The following DAP variants were observed in gnomAD, a reference collection of about 807,000 sequenced individuals.
DAP encodes death associated protein.
DAP carries 8 observed loss-of-function variants against 13.8 expected under a neutral mutation model. The observed-to-expected ratio is 0.58, with a 90% confidence interval of 0.34 to 1.05. The LOEUF is 1.05. Ranked by LOEUF, DAP falls within the 50% of genes least tolerant of loss-of-function variation. DAP has a pLI of 0.03. For missense variants in DAP, 106 were observed against 133.2 expected, an observed-to-expected ratio of 0.80 and a Z score of 1.01; for synonymous variants, 47 against 47.5, an observed-to-expected ratio of 0.99 and a Z score of 0.04.
At chr5:10,719,258 A>T (rs2126657431) in intron 2 of DAP, among the ~76,000 whole-genome samples, 1 of 152,300 alleles carries the variant, frequency 6.6e-6, no homozygotes, top group East Asian at 1.9e-4. Context: ...TTATCAAGTG[A>T]CCCGAAAGGC....
At chr5:10,695,485 A>G (rs989887942) in intron 2 of DAP, among the ~76,000 whole-genome samples, 4 of 152,254 alleles carry the variant, frequency 2.6e-5, no homozygotes, top group Admixed American at 1.3e-4. Flanking sequence ...AATTTGGCAT[A>G]AGAAATTTAT....
Position 10,701,463 on chromosome 5 carries a change from TA to T in DAP, c.153-17893del, listed in dbSNP as rs747945244. Among the ~76,000 whole-genome samples the T allele has an allele frequency of 3.2e-4, 49 of 152,326 alleles. 1 individual carries two copies. The highest frequency in any genetic ancestry group is 6.8e-3 in the Middle Eastern group (2 of 294). On this transcript the variant is annotated intron_variant, in intron 2 of 3. Transcript: ENST00000230895. ...GGTTCAGTAACGGGGCTGAGAGCCC[TA>T]AAATGGTTTTCAAGGATGTAAGTAC...
chr5:10,748,033 T>C, intron 2 of DAP, 142 bp downstream of exon 2: 2 of 630,564 alleles, frequency 3.2e-6, no homozygotes, highest in Non-Finnish European at 5.6e-6. Flanking sequence ...CCCTCCTCCC[T>C]GATTAGGAAG....
chr5:10,712,586 A>C (rs1738880668), intron 2 of DAP, among the ~76,000 whole-genome samples: 2 of 152,010 alleles, frequency 1.3e-5, no homozygotes, highest in Admixed American at 1.3e-4. Flanking sequence ...GAAAAGGTAG[A>C]CATTGATGTC....
At chr5:10,723,780 A>G (rs1561022951) in intron 2 of DAP, among the ~76,000 whole-genome samples, 1 of 152,292 alleles carries the variant, frequency 6.6e-6, no homozygotes, top group Non-Finnish European at 1.5e-5. Context: ...TTGGCCCTAC[A>G]TGTTATTATA....
intron 2 of DAP, among the ~76,000 whole-genome samples, chr5:10,711,424 C>T (rs1738848834): frequency 6.6e-6 from 1 of 152,260 alleles, no homozygotes; most frequent in African/African-American, 2.4e-5. Flanking sequence ...CGGGGCGTAA[C>T]TGCCCTGGTT....
rs138357738 is a variant in DAP at position 10,751,566 on chromosome 5, T to C, written c.56-3295A>G. Reference sequence around the variant, plus strand: ...ATGCTCATCAGAAATTGATGAAAGATGCTATTACGGGCTGAATAGTGTCCC... The same window carrying C: ...ATGCTCATCAGAAATTGATGAAAGACGCTATTACGGGCTGAATAGTGTCCC... On this transcript the variant is annotated intron_variant, in intron 1 of 3. Coordinates refer to ENST00000230895, the MANE Select transcript of DAP (RefSeq NM_004394.3). Among the ~76,000 whole-genome samples, 751 of 152,338 alleles carry C rather than the reference T, an allele frequency of 4.9e-3. 6 individuals are homozygous for C. The highest frequency in any genetic ancestry group is 0.017 in the African/African-American group (707 of 41,576).
chr5:10,756,820 G>C (rs1164190738), intron 1 of DAP, among the ~76,000 whole-genome samples: 1 of 152,236 alleles, frequency 6.6e-6, no homozygotes, highest in African/African-American at 2.4e-5. Context: ...CCTCTTTTCT[G>C]CTGTGGAATG....
chr5:10,722,472 T>G (rs2126659708), intron 2 of DAP, among the ~76,000 whole-genome samples: 1 of 151,844 alleles, frequency 6.6e-6, no homozygotes, highest in Non-Finnish European at 1.5e-5. Flanking sequence ...AAGTTAATAC[T>G]TAATAAACTC....
intron 2 of DAP, among the ~76,000 whole-genome samples, chr5:10,685,941 A>AC (rs1561005643): frequency 3.3e-5 from 5 of 150,046 alleles, no homozygotes; most frequent in Non-Finnish European, 5.9e-5. Context: ...CACACACACA[A>AC]ACAAACACCT....
intron 2 of DAP, among the ~76,000 whole-genome samples, chr5:10,743,691 G>A (rs1293844351): frequency 6.6e-6 from 1 of 152,068 alleles, no homozygotes; most frequent in Non-Finnish European, 1.5e-5. Context: ...AATGAAACTG[G>A]CTACTTTATC....
At chr5:10,722,362 C>T (rs563815261) in intron 2 of DAP, among the ~76,000 whole-genome samples, 2 of 152,180 alleles carry the variant, frequency 1.3e-5, no homozygotes, top group Admixed American at 6.5e-5. Flanking sequence ...TTCCTGCCCT[C>T]GAACATCGGA....
intron 2 of DAP, among the ~76,000 whole-genome samples, chr5:10,726,058 ATTAAG>A (rs1226984054): frequency 2.0e-5 from 3 of 152,252 alleles, no homozygotes; most frequent in African/African-American, 7.2e-5. Context: ...CCAAGGACCG[ATTAAG>A]TTGAGACATA....
At chr5:10,709,081 C>T (rs1738775375) in intron 2 of DAP, among the ~76,000 whole-genome samples, 1 of 152,220 alleles carries the variant, frequency 6.6e-6, no homozygotes, top group Non-Finnish European at 1.5e-5. Context: ...CCTGGCACCT[C>T]TGGAATAGAC....
chr5:10,727,533 C>G (rs1240296240), intron 2 of DAP, among the ~76,000 whole-genome samples: 1 of 152,118 alleles, frequency 6.6e-6, no homozygotes, highest in Non-Finnish European at 1.5e-5. Flanking sequence ...AAGGGCCCGA[C>G]TTCATTCTGA....
At position 10,687,778 on chromosome 5, in the gene DAP, C is replaced by T. The variant is rs1738191633; in HGVS notation, c.153-4207G>A. Among the ~76,000 whole-genome samples the T allele has an allele frequency of 2.0e-5, 3 of 152,170 alleles. No homozygotes were observed. In the South Asian group the frequency reaches 6.2e-4, roughly 31 times the overall value. On this transcript the variant is annotated intron_variant, in intron 2 of 3. Coordinates refer to ENST00000230895, the MANE Select transcript of DAP (RefSeq NM_004394.3). ...CAGTGGCAGGGTTTGAGATGACTGACTCCATTTTTGAAAGAAGTTCTACCA... is the reference window on the plus strand; with the variant it reads ...CAGTGGCAGGGTTTGAGATGACTGATTCCATTTTTGAAAGAAGTTCTACCA...
intron 2 of DAP, among the ~76,000 whole-genome samples, chr5:10,743,737 T>C (rs1272750179): frequency 6.6e-6 from 1 of 152,220 alleles, no homozygotes; most frequent in Non-Finnish European, 1.5e-5. Flanking sequence ...AAACCACCAG[T>C]TTCCTTAATT....
chr5:10,682,750 G>A (rs968868478), intron 3 of DAP, among the ~76,000 whole-genome samples: 1 of 152,260 alleles, frequency 6.6e-6, no homozygotes, highest in Admixed American at 6.5e-5. Flanking sequence ...AATGCTCACT[G>A]GCTCTGCCCC....
At chr5:10,743,024 T>C (rs895592505) in intron 2 of DAP, among the ~76,000 whole-genome samples, 2 of 152,312 alleles carry the variant, frequency 1.3e-5, no homozygotes, top group East Asian at 1.9e-4. Flanking sequence ...TTCATTTCAG[T>C]CTTCTCCCTT....
Sources: gnomAD v4.1 joint callset for allele counts (sites outside exome capture counted in the v4.1 genomes callset) on GRCh38, gnomAD v4.1.1 for gene constraint, MANE v1.5 for transcripts, NCBI Gene and HGNC (gene_info 2026-07-23, HGNC 2026-07-21) for gene names.